The following DYNC2H1 variants were observed in gnomAD, a reference collection of about 807,000 sequenced individuals.
The protein encoded by DYNC2H1 is dynein cytoplasmic 2 heavy chain 1.
A neutral mutation model predicts 570.0 loss-of-function variants in DYNC2H1; 410 were observed. That is an observed-to-expected ratio of 0.72 (90% CI 0.66 to 0.78). The LOEUF (loss-of-function observed/expected upper bound fraction) is 0.78. DYNC2H1 is among the 30% of genes least tolerant of loss of function. The pLI is 0.00. For synonymous variants in DYNC2H1, 1,688 were observed against 1,677.6 expected (o/e 1.01, Z -0.15); for missense variants, 4,865 against 5,046.4 (o/e 0.96, Z 1.09).
chr11:103,140,011 T>C (rs1264236646), intron 17 of DYNC2H1, among the ~76,000 whole-genome samples: 2 of 152,202 alleles, frequency 1.3e-5, no homozygotes, highest in Non-Finnish European at 2.9e-5. Context: ...GTTTAAAGTC[T>C]GTTTTATCAG....
rs975174467 is a variant in DYNC2H1 at position 103,332,689 on chromosome 11, A to G, written c.12039+8699A>G. 4.6e-5 allele frequency among the ~76,000 whole-genome samples: 7 copies of G among 152,166 alleles called. No individual in the cohort carries two copies. In the South Asian group the frequency reaches 1.4e-3, roughly 31 times the overall value. On this transcript the variant is annotated intron_variant, in intron 82 of 88. Transcript: ENST00000375735. ...AAACCACAAATTCTAACTCAGCAAA[A>G]TATCTTTCAAAATGAAGTCAAGTCT...
At chr11:103,348,610 T>C (rs1408734197) in intron 82 of DYNC2H1, among the ~76,000 whole-genome samples, 2 of 152,194 alleles carry the variant, frequency 1.3e-5, no homozygotes. Flanking sequence ...AAGATTCATC[T>C]GTGTTATGTA....
intron 84 of DYNC2H1, among the ~76,000 whole-genome samples, chr11:103,423,777 A>C (rs1943575728): frequency 6.6e-6 from 1 of 152,072 alleles, no homozygotes; most frequent in African/African-American, 2.4e-5. Context: ...TTGTATAGAT[A>C]TTTTATTAAG....
Position 103,174,160 on chromosome 11 carries a change from T to A in DYNC2H1, c.5664T>A (p.Thr1888=). 6.4e-7 allele frequency: 1 copy of A among 1,571,004 alleles called. No homozygotes were observed. The highest frequency in any genetic ancestry group is 8.7e-7 in the Non-Finnish European group (1 of 1,155,490). Residue 1888 remains threonine (T), a synonymous_variant, in exon 36 of 89, where the codon ACT becomes ACA. Transcript: ENST00000375735. ...TTAGACAGCTAAACAAAAGTGGCAC[T>A]ACACAGAATGGTATGATTGATTATT... ...NLLRQLNKSG[T]TQNANESHIV... is the part of the protein sequence containing the mutation.
Position 103,199,549 on chromosome 11 carries a change from A to T in DYNC2H1, c.8088+73A>T. On this transcript the variant is annotated intron_variant, in intron 49 of 88. Coordinates refer to ENST00000375735, the MANE Select transcript of DYNC2H1 (RefSeq NM_001377.3). The surrounding 1 kb of genome is among the most constrained non-coding windows in gnomAD (Gnocchi z 4.6). ...GTTATTACTCTAAACATCTTTAAAG[A>T]CCTAAAGGTTTAAAGAACTAAAGTT... is the stretch of plus-strand genomic sequence containing the variant. 1 of 1,349,842 alleles carries T rather than the reference A, an allele frequency of 7.4e-7. No individual in the cohort carries two copies. Among genetic ancestry groups the T allele is most frequent in the Non-Finnish European group, 9.6e-7 (1 of 1,036,896 alleles). The allele number at this position is 1,349,842 out of a possible 1,614,324, so 83.6% of individuals were successfully genotyped here.
chr11:103,478,589 A>G (rs535220995), intron 88 of DYNC2H1, among the ~76,000 whole-genome samples: 100 of 152,338 alleles, frequency 6.6e-4, no homozygotes, highest in African/African-American at 2.3e-3. Context: ...AATATGGGAA[A>G]CTATTTGGTA....
chr11:103,374,611 A>G (rs1227704699), intron 83 of DYNC2H1, among the ~76,000 whole-genome samples: 1 of 152,180 alleles, frequency 6.6e-6, no homozygotes, highest in Non-Finnish European at 1.5e-5. Flanking sequence ...TGGGCAATGA[A>G]GTCCAGGCTG....
intron 52 of DYNC2H1, among the ~76,000 whole-genome samples, chr11:103,206,907 A>T: frequency 6.6e-6 from 1 of 151,954 alleles, no homozygotes; most frequent in East Asian, 1.9e-4. Flanking sequence ...AACTGGAGGA[A>T]GGAGGGGTAA....
chr11:103,234,264 C>T (rs1307930506), intron 61 of DYNC2H1, 104 bp downstream of exon 61: 2 of 1,318,040 alleles, frequency 1.5e-6, no homozygotes, highest in Non-Finnish European at 2.0e-6. Flanking sequence ...TTAATTTGCA[C>T]CTGGCTCAGG....
chr11:103,249,405 T>G lies in DYNC2H1; in HGVS notation c.10043-3880T>G, dbSNP rs1864745347. Among the ~76,000 whole-genome samples, 1 of 151,870 alleles carries G rather than the reference T, an allele frequency of 6.6e-6. No homozygotes were observed. Among genetic ancestry groups the G allele is most frequent in the Admixed American group, 6.6e-5 (1 of 15,200 alleles). On this transcript the variant is annotated intron_variant, in intron 65 of 88. Coordinates refer to ENST00000375735, the MANE Select transcript of DYNC2H1 (RefSeq NM_001377.3). This position sits in a 1 kb window ranked among gnomAD's most constrained non-coding sequence, Gnocchi z 4.6. ...TGCGTAAAGAAAAGAATACCTAAAT[T>G]TATAGCTAATGAATTTTTACAAATT...
At chr11:103,462,259 T>A (rs1027894255) in intron 87 of DYNC2H1, among the ~76,000 whole-genome samples, 2 of 152,174 alleles carry the variant, frequency 1.3e-5, no homozygotes, top group Admixed American at 1.3e-4. Context: ...CCTCTGTCTC[T>A]CATTCCTTAT....
intron 17 of DYNC2H1, among the ~76,000 whole-genome samples, chr11:103,139,678 A>G (rs1859788479): frequency 6.6e-6 from 1 of 151,732 alleles, no homozygotes; most frequent in Non-Finnish European, 1.5e-5. Flanking sequence ...GTGTTGAAAA[A>G]AATGTATATT....
At chr11:103,453,266 C>A (rs953088939) in intron 85 of DYNC2H1, among the ~76,000 whole-genome samples, 4 of 151,922 alleles carry the variant, frequency 2.6e-5, no homozygotes, top group African/African-American at 9.7e-5. Context: ...ATGCCTACGA[C>A]TTTGTTCAAA....
intron 82 of DYNC2H1, among the ~76,000 whole-genome samples, chr11:103,335,106 C>T (rs529178966): frequency 6.6e-6 from 1 of 151,932 alleles, no homozygotes; most frequent in Admixed American, 6.5e-5. Context: ...TTCAATGTCC[C>T]TTATTTTGTC....
chr11:103,136,077 T>C, intron 17 of DYNC2H1, 129 bp downstream of exon 17: 1 of 730,830 alleles, frequency 1.4e-6, no homozygotes, highest in East Asian at 3.1e-5. Flanking sequence ...AGCAGAGAGC[T>C]GGATTCGTAG....
At position 103,303,042 on chromosome 11, in the gene DYNC2H1, T is replaced by G. The variant is rs550227505; in HGVS notation, c.11096-51T>G. 1.8e-5 allele frequency: 23 copies of G among 1,294,666 alleles called. No homozygotes were observed. The South Asian group carries it at 4.5e-4, about 25-fold the overall frequency. The allele number at this position is 1,294,666 out of a possible 1,614,324, so 80.2% of individuals were successfully genotyped here. Reference sequence around the variant, plus strand: ...TCATATAATTAGATTTAATAAACTTTTTAATAATGCATACTGCTTTTATTT... The same window carrying G: ...TCATATAATTAGATTTAATAAACTTGTTAATAATGCATACTGCTTTTATTT... On this transcript the variant is annotated intron_variant, in intron 75 of 88. Transcript: ENST00000375735.
At position 103,109,842 on chromosome 11, in the gene DYNC2H1, G is replaced by A. The variant is rs1378151089; in HGVS notation, c.195+73G>A. The A allele has an allele frequency of 3.4e-6, 5 of 1,463,908 alleles. No homozygotes were observed. The South Asian group carries it at 5.3e-5, about 16-fold the overall frequency. The allele number at this position is 1,463,908 out of a possible 1,614,324, so 90.7% of individuals were successfully genotyped here. ...CCCAGGCCCAGCCAGAGGGACGTCG[G>A]GTCACACTCTTTAGCTTTACCAACC... On this transcript the variant is annotated intron_variant, in intron 1 of 88. Coordinates refer to ENST00000375735, the MANE Select transcript of DYNC2H1 (RefSeq NM_001377.3).
In DYNC2H1 at chr11:103,158,792, T is replaced by C; in HGVS notation, c.4243T>C (p.Leu1415=). 6.8e-7 allele frequency: 1 copy of C among 1,470,590 alleles called. No homozygotes were observed. Among genetic ancestry groups the C allele is most frequent in the Non-Finnish European group, 9.1e-7 (1 of 1,096,672 alleles). The allele number at this position is 1,470,590 out of a possible 1,614,324, so 91.1% of individuals were successfully genotyped here. ...LDQLQRCQKS[L]NEFLEEKRSA... ...TCAGCTTCAAAGATGTCAGAAATCA[T>C]TAAATGAATTTTTGGAGGCATGTTT... The change falls in exon 27 of 89, where the codon TTA becomes CTA. Residue 1415 remains leucine, a synonymous_variant. Coordinates refer to ENST00000375735, the MANE Select transcript of DYNC2H1 (RefSeq NM_001377.3).
At chr11:103,388,697 G>T (rs1213043723) in intron 83 of DYNC2H1, among the ~76,000 whole-genome samples, 1 of 96,910 alleles carries the variant, frequency 1.0e-5, no homozygotes, top group Non-Finnish European at 2.3e-5. Flanking sequence ...TTTATTGAGA[G>T]TTTTTAGCAT....
Sources: gnomAD v4.1 joint callset for allele counts (sites outside exome capture counted in the v4.1 genomes callset) on GRCh38, gnomAD v4.1.1 for gene constraint, Gnocchi (gnomAD v3.1) non-coding constraint, MANE v1.5 for transcripts, NCBI Gene and HGNC (gene_info 2026-07-23, HGNC 2026-07-21) for gene names.